Variants in C20orf203 observed in about 807,000 individuals in gnomAD.
C20orf203 encodes uncharacterized protein C20orf203.
C20orf203 carries 16 observed loss-of-function variants against 15.9 expected under a neutral mutation model. The ratio of observed to expected loss-of-function variants is 1.01; its 90% CI spans 0.68 to 1.53. The LOEUF (loss-of-function observed/expected upper bound fraction) is 1.53. C20orf203 is among the 40% of genes most tolerant of loss of function. The pLI, the probability that C20orf203 is intolerant of heterozygous loss-of-function variation, is 0.00. For synonymous variants in C20orf203, 98 were observed against 97.2 expected (o/e 1.01, Z -0.05); for missense variants, 263 against 247.5 (o/e 1.06, Z -0.42).
rs947852642 is a variant in C20orf203 at position 32,650,322 on chromosome 20, T to C, written c.*110A>G. The C allele has an allele frequency of 1.1e-5, 9 of 800,586 alleles. No individual in the cohort carries two copies. In the African/African-American group the frequency reaches 1.4e-4, roughly 12 times the overall value. The allele number at this position is 800,586 out of a possible 1,614,324, so 49.6% of individuals were successfully genotyped here. A position where few individuals can be genotyped will look rare whatever the true frequency, so the allele number is the denominator to read the frequency against. On this transcript the variant is annotated 3_prime_UTR_variant, in exon 4 of 6. Coordinates refer to ENST00000608990, the MANE Select transcript of C20orf203 (RefSeq NM_182584.4). ...TGGGCGTGCCGGGCCCATCCCCCAC[T>C]CTGGGGAGCAGAATGATTGTGGGGG... is the stretch of plus-strand genomic sequence containing the variant.
chr20:32,641,788 T>A (rs6057609), intron 4 of C20orf203, among the ~76,000 whole-genome samples: 357 of 152,320 alleles, frequency 2.3e-3, no homozygotes, highest in African/African-American at 7.9e-3. Flanking sequence ...TATGTTTAGA[T>A]CGTATCGCCA....
chr20:32,663,751 G>T (rs1435841207), intron 1 of C20orf203, among the ~76,000 whole-genome samples: 1 of 152,226 alleles, frequency 6.6e-6, no homozygotes, highest in Non-Finnish European at 1.5e-5. Context: ...GGAGCTGCTT[G>T]GGCGCTGGGC....
chr20:32,650,651 C>T lies in C20orf203; in HGVS notation c.366G>A (p.Val122=). 1 of 1,549,324 alleles carries T rather than the reference C, an allele frequency of 6.5e-7. No individual in the cohort carries two copies. Among genetic ancestry groups the T allele is most frequent in the Non-Finnish European group, 8.7e-7 (1 of 1,146,360 alleles). ...LSKVGRRDRE[V]GRGLRAPAGR... is the part of the protein sequence containing the mutation. ...CAGCAGGGGCCCGCAGCCCCCTCCC[C>T]ACTTCCCTATCTCTCCGACCCACCT... is the stretch of plus-strand genomic sequence containing the variant. Residue 122 remains valine, a synonymous_variant, in exon 4 of 6, where the codon GTG becomes GTA. Coordinates refer to ENST00000608990, the MANE Select transcript of C20orf203 (RefSeq NM_182584.4).
At chr20:32,663,917 T>A (rs1417291860) in intron 1 of C20orf203, among the ~76,000 whole-genome samples, 1 of 152,260 alleles carries the variant, frequency 6.6e-6, no homozygotes, top group African/African-American at 2.4e-5. Context: ...ATAAATGTCC[T>A]GGCTGGGGAC....
At chr20:32,655,359 A>G (rs2145675171) in intron 1 of C20orf203, among the ~76,000 whole-genome samples, 1 of 151,830 alleles carries the variant, frequency 6.6e-6, no homozygotes, top group East Asian at 1.9e-4. Flanking sequence ...ATCGCTTGAG[A>G]CTGGACACTA....
At chr20:32,655,654 G>T (rs7267141) in intron 1 of C20orf203, among the ~76,000 whole-genome samples, 2 of 152,100 alleles carry the variant, frequency 1.3e-5, no homozygotes, top group Non-Finnish European at 2.9e-5. Context: ...TTAGCCCGGC[G>T]TGGTGGCAGA....
Position 32,650,657 on chromosome 20 carries a change from C to T in C20orf203, c.360G>A (p.Arg120=), listed in dbSNP as rs1398083417. The T allele has an allele frequency of 6.5e-7, 1 of 1,549,498 alleles. No individual in the cohort carries two copies. ...LRLSKVGRRD[R]EVGRGLRAPA... ...GGGCCCGCAGCCCCCTCCCCACTTC[C>T]CTATCTCTCCGACCCACCTTGCTGA... is the stretch of plus-strand genomic sequence containing the variant. The change falls in exon 4 of 6, where the codon AGG becomes AGA. Residue 120 remains arginine, a synonymous_variant. Coordinates refer to ENST00000608990, the MANE Select transcript of C20orf203 (RefSeq NM_182584.4).
chr20:32,669,284 T>G (rs1983106603), intron 1 of C20orf203, among the ~76,000 whole-genome samples: 1 of 152,188 alleles, frequency 6.6e-6, no homozygotes, highest in Admixed American at 6.5e-5. Context: ...GCACAGCCGA[T>G]TCCCAGGCAG....
chr20:32,652,322 CAAAAA>C (rs11483593), intron 1 of C20orf203, among the ~76,000 whole-genome samples: 6 of 18,236 alleles, frequency 3.3e-4, no homozygotes, highest in African/African-American at 4.8e-4. Flanking sequence ...GACTCCATCT[CAAAAA>C]AAAAAAAAAA....
intron 1 of C20orf203, 79 bp downstream of exon 1, chr20:32,673,553 C>T (rs903340845): frequency 2.0e-5 from 3 of 152,454 alleles, no homozygotes; most frequent in Non-Finnish European, 4.4e-5. Context: ...TTTCTGCTGG[C>T]TTTTTTGGTC....
At chr20:32,647,999 C>T (rs557613063) in intron 4 of C20orf203, among the ~76,000 whole-genome samples, 1 of 152,354 alleles carries the variant, frequency 6.6e-6, no homozygotes, top group South Asian at 2.1e-4. Flanking sequence ...ACTTCTCTCA[C>T]CCTCTGTGCC....
chr20:32,661,868 C>T (rs922467472), intron 1 of C20orf203, among the ~76,000 whole-genome samples: 8 of 152,170 alleles, frequency 5.3e-5, no homozygotes. Flanking sequence ...CCTGTGCTCC[C>T]CACAGACAGA....
chr20:32,643,003 C>T (rs962627047), intron 4 of C20orf203, among the ~76,000 whole-genome samples: 5 of 152,302 alleles, frequency 3.3e-5, no homozygotes, highest in African/African-American at 1.2e-4. Flanking sequence ...AGGGCTCACC[C>T]ACAGGGCATC....
chr20:32,652,322 CAAAA>C (rs11483593), intron 1 of C20orf203, among the ~76,000 whole-genome samples: 1 of 18,236 alleles, frequency 5.5e-5, no homozygotes, highest in African/African-American at 1.6e-4. Flanking sequence ...GACTCCATCT[CAAAA>C]AAAAAAAAAA....
rs778706898 is a variant in C20orf203, at chr20:32,650,668, G to A, written c.349C>T (p.Arg117Trp). 187 of 1,546,232 alleles carry A rather than the reference G, an allele frequency of 1.2e-4. 2 individuals are homozygous for A. Among genetic ancestry groups the A allele is most frequent in the South Asian group, 9.1e-4 (76 of 83,816 alleles). ...VGGLRLSKVG[R>W]RDREVGRGLR... is the part of the protein sequence containing the mutation. Reference sequence around the variant, plus strand: ...CCCCTCCCCACTTCCCTATCTCTCCGACCCACCTTGCTGAGCCTGAGGCCT... The same window carrying A: ...CCCCTCCCCACTTCCCTATCTCTCCAACCCACCTTGCTGAGCCTGAGGCCT... The change falls in exon 4 of 6, where the codon CGG (arginine) becomes TGG (tryptophan). Residue 117 changes from arginine to tryptophan, a missense_variant. Coordinates refer to ENST00000608990, the MANE Select transcript of C20orf203 (RefSeq NM_182584.4).
intron 1 of C20orf203, among the ~76,000 whole-genome samples, chr20:32,664,166 G>C (rs1165961863): frequency 6.6e-6 from 1 of 152,194 alleles, no homozygotes; most frequent in Non-Finnish European, 1.5e-5. Flanking sequence ...AGCGCTCTGG[G>C]TTTCTTCTAA....
intron 1 of C20orf203, among the ~76,000 whole-genome samples, chr20:32,658,780 C>A (rs759402762): frequency 1.3e-5 from 2 of 152,014 alleles, no homozygotes; most frequent in Non-Finnish European, 2.9e-5. Context: ...GGAGATGGAG[C>A]AGGAGAAGAC....
intron 5 of C20orf203, among the ~76,000 whole-genome samples, chr20:32,639,666 A>G (rs943547595): frequency 8.1e-5 from 12 of 149,024 alleles, no homozygotes; most frequent in Non-Finnish European, 8.9e-5. Context: ...GGATTAAAGG[A>G]GACAACAAGA....
chr20:32,670,191 C>T (rs1983129740), intron 1 of C20orf203, among the ~76,000 whole-genome samples: 2 of 151,474 alleles, frequency 1.3e-5, no homozygotes, highest in Non-Finnish European at 2.9e-5. Flanking sequence ...GCCTGGGTAA[C>T]AACAGTGAAA....
Sources: allele counts gnomAD v4.1 joint callset (sites outside exome capture counted in the v4.1 genomes callset), GRCh38; gene constraint gnomAD v4.1.1; transcripts MANE v1.5; gene names NCBI Gene and HGNC (gene_info 2026-07-23, HGNC 2026-07-21).